Variants in TRIM62 observed in about 807,000 individuals in gnomAD.
TRIM62 encodes the protein E3 ubiquitin-protein ligase TRIM62.
TRIM62 carries 39 observed loss-of-function variants against 44.2 expected under a neutral mutation model. That is an observed-to-expected ratio of 0.88 (90% CI 0.68 to 1.15). The LOEUF is 1.15. TRIM62 is among the 50% of genes most tolerant of loss of function. The pLI is 0.00. For synonymous variants in TRIM62, 278 were observed against 292.3 expected, an observed-to-expected ratio of 0.95 and a Z score of 0.50; for missense variants, 544 against 665.5, an observed-to-expected ratio of 0.82 and a Z score of 2.01.
chr1:33,173,772 C>G (rs1240532083), intron 1 of TRIM62, among the ~76,000 whole-genome samples: 4 of 151,702 alleles, frequency 2.6e-5, no homozygotes, highest in Admixed American at 2.0e-4. Flanking sequence ...AATCATAGCT[C>G]ACTATAGCCT....
At chr1:33,149,052 C>T (rs942922714) in intron 4 of TRIM62, among the ~76,000 whole-genome samples, 13 of 152,224 alleles carry the variant, frequency 8.5e-5, no homozygotes, top group African/African-American at 2.4e-4. Context: ...TTGCAACCAC[C>T]CCCAGAGGCT....
chr1:33,152,479 A>G (rs1274130077), intron 4 of TRIM62, among the ~76,000 whole-genome samples: 2 of 151,886 alleles, frequency 1.3e-5, no homozygotes, highest in African/African-American at 4.8e-5. Flanking sequence ...AGGCAGGAGA[A>G]TCGCTTGAAT....
At position 33,145,615 on chromosome 1, in the gene TRIM62, G is replaced by A. The variant is rs566901710; in HGVS notation, c.*1562C>T. ...GCTCTTCCGGCTACTTTGGGATGGT[G>A]TGTTGTGTCAGAGACCCCAAGTGCA... On this transcript the variant is annotated 3_prime_UTR_variant, in exon 5 of 5. Coordinates refer to ENST00000291416, the MANE Select transcript of TRIM62 (RefSeq NM_018207.3). 8.2e-6 allele frequency: 2 copies of A among 243,640 alleles called. No homozygotes were observed. The highest frequency in any genetic ancestry group is 1.6e-5 in the Non-Finnish European group (2 of 121,408). The allele number at this position is 243,640 out of a possible 1,614,324, so 15.1% of individuals were successfully genotyped here.
chr1:33,150,257 C>T (rs776036915), intron 4 of TRIM62, among the ~76,000 whole-genome samples: 1 of 152,180 alleles, frequency 6.6e-6, no homozygotes, highest in African/African-American at 2.4e-5. Context: ...CCTTTACTGG[C>T]GAAGTGGGGA....
At chr1:33,150,967 G>T (rs970523752) in intron 4 of TRIM62, among the ~76,000 whole-genome samples, 1 of 152,114 alleles carries the variant, frequency 6.6e-6, no homozygotes, top group African/African-American at 2.4e-5. Context: ...GGTGATTTGA[G>T]ACCAGCAACA....
chr1:33,165,337 T>A lies in TRIM62; in HGVS notation c.504+134A>T. 1 of 754,206 alleles carries A rather than the reference T, an allele frequency of 1.3e-6. No homozygotes were observed. Among genetic ancestry groups the A allele is most frequent in the Non-Finnish European group, 2.1e-6 (1 of 476,638 alleles). The allele number at this position is 754,206 out of a possible 1,614,324, so 46.7% of individuals were successfully genotyped here. On this transcript the variant is annotated intron_variant, in intron 2 of 4. Transcript: ENST00000291416. This position sits in a 1 kb window ranked among gnomAD's most constrained non-coding sequence, Gnocchi z 4.0. ...CTCTTCCCCACCCTGCCCTTCTCAC[T>A]CCAGGTTTGGCTCCTTGAAGCCAGG...
At chr1:33,148,129 G>C (rs1356712492) in intron 4 of TRIM62, among the ~76,000 whole-genome samples, 4 of 152,166 alleles carry the variant, frequency 2.6e-5, no homozygotes, top group African/African-American at 9.7e-5. Flanking sequence ...ATTGGTGAGT[G>C]TGTTCAGGTT....
rs1645432630 is a variant in TRIM62 at position 33,177,679 on chromosome 1, GA to G, written c.408+3345del. Among the ~76,000 whole-genome samples, 1 of 152,106 alleles carries G rather than the reference GA, an allele frequency of 6.6e-6. No individual in the cohort carries two copies. Among genetic ancestry groups the G allele is most frequent in the South Asian group, 2.1e-4 (1 of 4,828 alleles). On this transcript the variant is annotated intron_variant, in intron 1 of 4. Coordinates refer to ENST00000291416, the MANE Select transcript of TRIM62 (RefSeq NM_018207.3). This position sits in a 1 kb window ranked among gnomAD's most constrained non-coding sequence, Gnocchi z 4.1. ...ATTGTCACAACTTGCGGGGTGGGTGGAGTTTGCTACTGGCATCTAATGGGTA... is the reference window on the plus strand; with the variant it reads ...ATTGTCACAACTTGCGGGGTGGGTGGGTTTGCTACTGGCATCTAATGGGTA...
rs556485158 is a variant in TRIM62 at position 33,181,001 on chromosome 1, C to T, written c.408+24G>A. The T allele has an allele frequency of 1.8e-6, 2 of 1,134,510 alleles. No individual in the cohort carries two copies. Among genetic ancestry groups the T allele is most frequent in the Admixed American group, 2.1e-5 (1 of 47,002 alleles). 70.3% of individuals were successfully genotyped at this position (1,134,510 alleles called of 1,614,324 possible). A position where few individuals can be genotyped will look rare whatever the true frequency, so the allele number is the denominator to read the frequency against. ...CACCTCCAGCCCGGCCCCGCCCCTT[C>T]CCCAGGCAGGCCGGGTAGCGCACCT... On this transcript the variant is annotated intron_variant, in intron 1 of 4. Transcript: ENST00000291416. The surrounding 1 kb of genome is among the most constrained non-coding windows in gnomAD (Gnocchi z 6.5).
intron 1 of TRIM62, among the ~76,000 whole-genome samples, chr1:33,171,681 T>C (rs1645375960): frequency 6.6e-6 from 1 of 152,186 alleles, no homozygotes; most frequent in Admixed American, 6.5e-5. Flanking sequence ...AGGATAAACA[T>C]GGAGGGCCTG....
intron 1 of TRIM62, among the ~76,000 whole-genome samples, chr1:33,169,044 C>T (rs2124743627): frequency 1.3e-5 from 2 of 152,280 alleles, no homozygotes; most frequent in South Asian, 4.2e-4. Flanking sequence ...CACTCATTTG[C>T]CCATTCCACA....
In TRIM62 at chr1:33,159,153, A is replaced by G. The variant is rs1208170796; in HGVS notation, c.761+535T>C. 6.6e-6 allele frequency among the ~76,000 whole-genome samples: 1 copy of G among 152,014 alleles called. No individual in the cohort carries two copies. The highest frequency in any genetic ancestry group is 2.4e-5 in the African/African-American group (1 of 41,366). On this transcript the variant is annotated intron_variant, in intron 3 of 4. Transcript: ENST00000291416. The surrounding 1 kb of genome is among the most constrained non-coding windows in gnomAD (Gnocchi z 4.2). ...AGCCACCGTGCCCAGCAGGAGCCTCAGTTTCTACATGCATGAAATGATGAT... is the reference window on the plus strand; with the variant it reads ...AGCCACCGTGCCCAGCAGGAGCCTCGGTTTCTACATGCATGAAATGATGAT...
rs968460828 is a variant in TRIM62 at position 33,177,759 on chromosome 1, C to T, written c.408+3266G>A. Among the ~76,000 whole-genome samples, 4 of 152,150 alleles carry T rather than the reference C, an allele frequency of 2.6e-5. No individual in the cohort carries two copies. Among genetic ancestry groups the T allele is most frequent in the African/African-American group, 7.2e-5 (3 of 41,408 alleles). ...TAACACACAAGATGGCCCTGCACAA[C>T]AGTTATCTAGCCCCAAATGTCAATA... On this transcript the variant is annotated intron_variant, in intron 1 of 4. Coordinates refer to ENST00000291416, the MANE Select transcript of TRIM62 (RefSeq NM_018207.3). This position sits in a 1 kb window ranked among gnomAD's most constrained non-coding sequence, Gnocchi z 4.1.
At chr1:33,180,954 G>GA in intron 1 of TRIM62, 71 bp downstream of exon 1, 11 of 883,056 alleles carry the variant, frequency 1.2e-5, no homozygotes, top group Admixed American at 2.7e-5. Flanking sequence ...GTCCAGCCCT[G>GA]ACCCCACCCC....
Position 33,159,819 on chromosome 1 carries a change from G to A in TRIM62, c.630C>T (p.Asp210=). 6.2e-7 allele frequency: 1 copy of A among 1,613,834 alleles called. No individual in the cohort carries two copies. The highest frequency in any genetic ancestry group is 8.5e-7 in the Non-Finnish European group (1 of 1,180,000). Residue 210 remains aspartate, a synonymous_variant, in exon 3 of 5, where the codon GAC becomes GAT. Coordinates refer to ENST00000291416, the MANE Select transcript of TRIM62 (RefSeq NM_018207.3). This position sits in a 1 kb window ranked among gnomAD's most constrained non-coding sequence, Gnocchi z 4.2. ...LEADTARTLT[D]IEQKVQRYSQ... ...TGTAGCGCTGGACTTTCTGCTCGATGTCGGTCAGCGTGCGGGCCGTGTCCG... is the reference window on the plus strand; with the variant it reads ...TGTAGCGCTGGACTTTCTGCTCGATATCGGTCAGCGTGCGGGCCGTGTCCG...
At chr1:33,168,745 G>C (rs1645350216) in intron 1 of TRIM62, among the ~76,000 whole-genome samples, 2 of 152,332 alleles carry the variant, frequency 1.3e-5, no homozygotes, top group South Asian at 4.1e-4. Flanking sequence ...CTCCTCAGGT[G>C]CCTCTGACAG....
chr1:33,159,907 G>C lies in TRIM62; in HGVS notation c.542C>G (p.Ala181Gly), dbSNP rs755544825. Residue 181 changes from alanine (A) to glycine (G), a missense_variant, in exon 3 of 5, where the codon GCC (alanine) becomes GGC (glycine). Coordinates refer to ENST00000291416, the MANE Select transcript of TRIM62 (RefSeq NM_018207.3). This position sits in a 1 kb window ranked among gnomAD's most constrained non-coding sequence, Gnocchi z 4.2. ...TKSLRTTIGE[A>G]FERLHRLLRE... Reference sequence around the variant, plus strand: ...CAGCAGCCGGTGCAGCCGCTCGAAGGCCTCGCCGATAGTGGTCCGCAGGCT... The same window carrying C: ...CAGCAGCCGGTGCAGCCGCTCGAAGCCCTCGCCGATAGTGGTCCGCAGGCT... 2.5e-6 allele frequency: 4 copies of C among 1,608,768 alleles called. No individual in the cohort carries two copies. Among genetic ancestry groups the C allele is most frequent in the Non-Finnish European group, 2.5e-6 (3 of 1,179,970 alleles).
chr1:33,162,563 C>T (rs144939635), intron 2 of TRIM62, among the ~76,000 whole-genome samples: 196 of 152,318 alleles, frequency 1.3e-3, no homozygotes, highest in African/African-American at 4.0e-3. Flanking sequence ...GGCTGGCAAT[C>T]AGGAGTTGCT....
intron 1 of TRIM62, among the ~76,000 whole-genome samples, chr1:33,173,941 A>C (rs1253212115): frequency 6.6e-6 from 1 of 151,954 alleles, no homozygotes; most frequent in Non-Finnish European, 1.5e-5. Context: ...TCTGGCCTCA[A>C]ATGATCCTCC....
Sources: allele counts gnomAD v4.1 joint callset (sites outside exome capture counted in the v4.1 genomes callset), GRCh38; gene constraint gnomAD v4.1.1; non-coding constraint Gnocchi (gnomAD v3.1); transcripts MANE v1.5; gene names NCBI Gene and HGNC (gene_info 2026-07-23, HGNC 2026-07-21).